The following CHST10 variants were observed in gnomAD, a reference collection of about 807,000 sequenced individuals.
CHST10 encodes the protein HNK-1 sulfotransferase.
CHST10 carries 24 observed loss-of-function variants against 34.7 expected under a neutral mutation model. The observed-to-expected ratio is 0.69, with a 90% CI of 0.50 to 0.97. The LOEUF is 0.97. CHST10 is among the 50% of genes least tolerant of loss of function. The pLI is 0.00. For synonymous variants in CHST10, 161 were observed against 169.3 expected (o/e 0.95, Z 0.38); for missense variants, 402 against 452.1 (o/e 0.89, Z 1.00).
chr2:100,412,881 ACT>A (rs1236434206), intron 2 of CHST10, among the ~76,000 whole-genome samples: 1 of 151,926 alleles, frequency 6.6e-6, no homozygotes, highest in Admixed American at 6.6e-5. Context: ...GGTTAACTAG[ACT>A]CTGTAGAATC....
intron 6 of CHST10, 140 bp downstream of exon 6, chr2:100,395,369 C>A: frequency 1.6e-6 from 1 of 632,020 alleles, no homozygotes; most frequent in Non-Finnish European, 2.7e-6. Flanking sequence ...AGCTTAGCTG[C>A]CTCTCACTGA....
At chr2:100,403,069 T>C (rs1675412661) in intron 3 of CHST10, among the ~76,000 whole-genome samples, 1 of 152,192 alleles carries the variant, frequency 6.6e-6, no homozygotes, top group South Asian at 2.1e-4. Context: ...ATCTAAAATA[T>C]ATAAAGAATC....
At chr2:100,407,817 C>T (rs538129224) in intron 2 of CHST10, 12 of 152,182 alleles carry the variant, frequency 7.9e-5, no homozygotes, top group Admixed American at 1.3e-4. Flanking sequence ...GGGTTTTCTC[C>T]GGATGGCTCG....
intron 2 of CHST10, among the ~76,000 whole-genome samples, chr2:100,412,285 A>G (rs952585982): frequency 1.3e-5 from 2 of 152,158 alleles, no homozygotes; most frequent in Non-Finnish European, 2.9e-5. Flanking sequence ...CCAGCGGATG[A>G]GCTACGAGGA....
At chr2:100,408,818 G>A (rs1675693229) in intron 2 of CHST10, among the ~76,000 whole-genome samples, 1 of 151,582 alleles carries the variant, frequency 6.6e-6, no homozygotes, top group African/African-American at 2.4e-5. Flanking sequence ...CACTCAGGGG[G>A]GTCCATCCTC....
intron 4 of CHST10, among the ~76,000 whole-genome samples, chr2:100,401,306 G>A (rs759233669): frequency 5.3e-5 from 8 of 152,162 alleles, no homozygotes; most frequent in South Asian, 2.1e-4. Flanking sequence ...CTCAGAGGGC[G>A]GCTCGGAAGA....
intron 2 of CHST10, among the ~76,000 whole-genome samples, chr2:100,409,654 A>T (rs1675737849): frequency 6.6e-6 from 1 of 152,052 alleles, no homozygotes; most frequent in Admixed American, 6.6e-5. Flanking sequence ...CTCCCTAGCT[A>T]GGTGGCTGTG....
Position 100,393,143 on chromosome 2 carries a change from C to G in CHST10, c.*102G>C. 7.5e-7 allele frequency: 1 copy of G among 1,338,762 alleles called. No individual in the cohort carries two copies. The highest frequency in any genetic ancestry group is 1.0e-6 in the Non-Finnish European group (1 of 963,624). The allele number at this position is 1,338,762 out of a possible 1,614,324, so 82.9% of individuals were successfully genotyped here. On this transcript the variant is annotated 3_prime_UTR_variant, in exon 7 of 7. Coordinates refer to ENST00000264249, the MANE Select transcript of CHST10 (RefSeq NM_004854.5). Reference sequence around the variant, plus strand: ...GCCTGTGGGAGACCCCGGGCGTCCTCAAAGGAGGGGTGTGGTGGAGGAAGG... The same window carrying G: ...GCCTGTGGGAGACCCCGGGCGTCCTGAAAGGAGGGGTGTGGTGGAGGAAGG...
chr2:100,408,873 G>C lies in CHST10; in HGVS notation c.-32-2166C>G, dbSNP rs371865749. Among the ~76,000 whole-genome samples, 4 of 151,660 alleles carry C rather than the reference G, an allele frequency of 2.6e-5. No individual in the cohort carries two copies. The South Asian group carries it at 6.2e-4, about 24-fold the overall frequency. ...CCCCCCTGAAAAATGCCAGCTGCAG[G>C]CCATTTCTAACCAAGCAGCAGAGGC... On this transcript the variant is annotated intron_variant, in intron 2 of 6. Coordinates refer to ENST00000264249, the MANE Select transcript of CHST10 (RefSeq NM_004854.5).
rs1675599886 is a variant in CHST10, at chr2:100,406,798, G to A, written c.-32-91C>T. 12 of 1,506,140 alleles carry A rather than the reference G, an allele frequency of 8.0e-6. No homozygotes were observed. The East Asian group carries it at 2.5e-4, about 32-fold the overall frequency. 93.3% of individuals were successfully genotyped at this position (1,506,140 alleles called of 1,614,324 possible). On this transcript the variant is annotated intron_variant, in intron 2 of 6. Transcript: ENST00000264249. ...AACGACAGGTGATTTCAGTCAGTAA[G>A]TATCAGCACAAATATTTCCGTTTTT...
rs747117122 is a variant in CHST10, at chr2:100,393,694, G to A, written c.622C>T (p.Arg208Trp). The change falls in exon 7 of 7, where the codon CGG becomes TGG. Residue 208 changes from arginine to tryptophan, a missense_variant. Coordinates refer to ENST00000264249, the MANE Select transcript of CHST10 (RefSeq NM_004854.5). ...AFKDKFVHNPRFEPWYRHEIA... is the reference protein window; with the variant it reads ...AFKDKFVHNPWFEPWYRHEIA... ...TCATGCCTGTACCAAGGCTCAAACC[G>A]GGGATTGTGAACAAATTTATCCTTA... 15 of 1,613,920 alleles carry A rather than the reference G, an allele frequency of 9.3e-6. No individual in the cohort carries two copies. Among genetic ancestry groups the A allele is most frequent in the African/African-American group, 4.0e-5 (3 of 74,912 alleles).
chr2:100,416,725 T>G, intron 1 of CHST10: 1 of 343,420 alleles, frequency 2.9e-6, no homozygotes, highest in Non-Finnish European at 5.8e-6. Flanking sequence ...AAACCCACCG[T>G]TATGACAGTC....
intron 2 of CHST10, among the ~76,000 whole-genome samples, chr2:100,406,952 A>T (rs2104216347): frequency 6.6e-6 from 1 of 152,334 alleles, no homozygotes; most frequent in East Asian, 1.9e-4. Context: ...TAATGAGAGA[A>T]GACCACTTCC....
intron 5 of CHST10, among the ~76,000 whole-genome samples, chr2:100,395,859 G>C (rs941114057): frequency 1.3e-5 from 2 of 152,214 alleles, no homozygotes; most frequent in Non-Finnish European, 2.9e-5. Flanking sequence ...CAGGGAGGAG[G>C]GGGAGGGAGC....
chr2:100,416,824 G>A (rs1356456712), intron 1 of CHST10: 4 of 495,030 alleles, frequency 8.1e-6, no homozygotes, highest in Admixed American at 6.1e-5. Flanking sequence ...AAGCAAAAAT[G>A]ACATTTTGGA....
rs540545598 is a variant in CHST10, at chr2:100,398,015, T to G, written c.320A>C (p.Lys107Thr). Residue 107 changes from lysine (K) to threonine (T), a missense_variant, in exon 5 of 7, where the codon AAG becomes ACG. Physicochemically the swap from Lys to Thr is moderately conservative, Grantham distance 78. Transcript: ENST00000264249. ...GACAAATATTCGGTCCAGGACAAAC[T>G]TGGAGACAGGAGTGTGCGAGAGATT... is the stretch of plus-strand genomic sequence containing the variant. ...LKNLSHTPVS[K>T]FVLDRIFVCD... 2.5e-6 allele frequency: 4 copies of G among 1,614,074 alleles called. No homozygotes were observed. The East Asian group carries it at 6.7e-5, about 27-fold the overall frequency.
intron 2 of CHST10, among the ~76,000 whole-genome samples, chr2:100,407,286 AGGTG>A (rs1675620265): frequency 6.6e-6 from 1 of 152,154 alleles, no homozygotes. Context: ...TAGAACACTG[AGGTG>A]GGTGTTTTTC....
intron 1 of CHST10, 199 bp downstream of exon 1, chr2:100,417,175 C>T (rs1164301684): frequency 2.5e-5 from 17 of 666,810 alleles, no homozygotes; most frequent in Non-Finnish European, 3.5e-5. Flanking sequence ...ACAAGGACGC[C>T]TTCTTATTGC....
intron 2 of CHST10, 82 bp from the exon 3 acceptor site, chr2:100,406,789 A>G: frequency 3.9e-6 from 6 of 1,546,912 alleles, no homozygotes; most frequent in Non-Finnish European, 5.2e-6. Flanking sequence ...AGGTGATTTC[A>G]GTCAGTAAGT....
Sources: gnomAD v4.1 joint callset for allele counts (sites outside exome capture counted in the v4.1 genomes callset) on GRCh38, gnomAD v4.1.1 for gene constraint, MANE v1.5 for transcripts, NCBI Gene and HGNC (gene_info 2026-07-23, HGNC 2026-07-21) for gene names.